ADRA1A: variants seen among roughly 807,000 people sequenced by gnomAD.
ADRA1A encodes the protein adrenoceptor alpha 1A, also known as alpha-1A adrenergic receptor.
A neutral mutation model predicts 29.6 loss-of-function variants in ADRA1A; 31 were observed. That is an observed-to-expected ratio of 1.05 (90% confidence interval 0.79 to 1.41). The LOEUF (loss-of-function observed/expected upper bound fraction) is 1.41, where lower values mean the gene tolerates loss of function less well. Among genes scored for constraint, ADRA1A ranks in the 40% most tolerant of loss-of-function variants. The probability of loss-of-function intolerance (pLI) is 0.00; values close to 1 mark genes in which losing one functional copy is unlikely to be tolerated. For synonymous variants in ADRA1A, 311 were observed against 254.3 expected (o/e 1.22, Z -2.12); for missense variants, 619 against 601.1 (o/e 1.03, Z -0.31).
At chr8:26,800,860 T>C (rs1448393264) in intron 2 of ADRA1A, among the ~76,000 whole-genome samples, 1 of 152,130 alleles carries the variant, frequency 6.6e-6, no homozygotes, top group African/African-American at 2.4e-5. Flanking sequence ...CTGATGACCA[T>C]TGATGCAAAA....
downstream of ADRA1A, among the ~76,000 whole-genome samples, chr8:26,762,600 G>T (rs4732860): frequency 0.18 from 27,544 of 152,040 alleles, 3,050 homozygotes; most frequent in East Asian, 0.44. This position sits in a 1 kb window ranked among gnomAD's most constrained non-coding sequence, Gnocchi z 4.0. Context: ...GAGAGGATGG[G>T]ATCAAGAAAG....
rs1808881064 is a variant in ADRA1A at position 26,805,181 on chromosome 8, A to T, written c.884-34515T>A. On this transcript the variant is annotated intron_variant, in intron 2 of 2. Coordinates refer to ENST00000380573, the MANE Select transcript of ADRA1A (RefSeq NM_000680.4). The surrounding 1 kb of genome is among the most constrained non-coding windows in gnomAD (Gnocchi z 4.8). ...TTGTGTCCCACTGTGACGACCAAGA[A>T]TGGGGCTCTCACCTCTGCCTACCTG... 1.3e-5 allele frequency among the ~76,000 whole-genome samples: 2 copies of T among 152,224 alleles called. No homozygotes were observed. The highest frequency in any genetic ancestry group is 1.3e-4 in the Admixed American group (2 of 15,276).
intron 2 of ADRA1A, among the ~76,000 whole-genome samples, chr8:26,834,891 T>C (rs915322812): frequency 1.3e-5 from 2 of 152,226 alleles, no homozygotes; most frequent in Admixed American, 1.3e-4. Context: ...CCTGGGATTT[T>C]TGATGCCACA....
chr8:26,759,770 G>A (rs61759714), intron 2 of ADRA1A, among the ~76,000 whole-genome samples: 1 of 152,228 alleles, frequency 6.6e-6, no homozygotes. Flanking sequence ...GACAAGGGAG[G>A]AGAAGAAACG....
intron 2 of ADRA1A, among the ~76,000 whole-genome samples, chr8:26,819,056 A>T (rs1809969964): frequency 6.6e-6 from 1 of 152,232 alleles, no homozygotes; most frequent in African/African-American, 2.4e-5. Context: ...TCAAATTATT[A>T]AAAGTCAAAG....
At chr8:26,837,856 C>T (rs956665936) in intron 2 of ADRA1A, among the ~76,000 whole-genome samples, 1 of 152,198 alleles carries the variant, frequency 6.6e-6, no homozygotes, top group African/African-American at 2.4e-5. Context: ...CCCATGTATG[C>T]TCAGAATGTT....
At chr8:26,862,626 A>T (rs1396266996) in intron 2 of ADRA1A, among the ~76,000 whole-genome samples, 2 of 152,166 alleles carry the variant, frequency 1.3e-5, no homozygotes, top group Non-Finnish European at 2.9e-5. Flanking sequence ...TACTTCCAGG[A>T]GCAGAGTAAG....
At chr8:26,786,436 A>G (rs1807395426) in intron 2 of ADRA1A, among the ~76,000 whole-genome samples, 1 of 151,784 alleles carries the variant, frequency 6.6e-6, no homozygotes, top group African/African-American at 2.4e-5. Context: ...GGGTTTCACC[A>G]TGTTGAATAA....
intron 2 of ADRA1A, among the ~76,000 whole-genome samples, chr8:26,774,932 G>A (rs950453770): frequency 2.6e-5 from 4 of 152,074 alleles, no homozygotes; most frequent in Non-Finnish European, 5.9e-5. Flanking sequence ...TTCTTCCTGA[G>A]GACTGGCTAT....
rs745317292 is a variant in ADRA1A at position 26,811,195 on chromosome 8, C to CTT, written c.884-40531_884-40530dup. On this transcript the variant is annotated intron_variant, in intron 2 of 2. Transcript: ENST00000380573. The stretch of plus-strand genomic sequence containing the variant: ...CTCACTGTCTAGCTTTCTTTCTTTT[C>CTT]TTTTTTTTTTTTGTTGAGACGGAGT... Among the ~76,000 whole-genome samples, 177 of 126,126 alleles carry CTT rather than the reference C, an allele frequency of 1.4e-3. No individual in the cohort carries two copies. The East Asian group carries it at 0.015, about 11-fold the overall frequency. The allele number at this position is 126,126 out of a possible 152,430, so 82.7% of individuals were successfully genotyped here. A position where few individuals can be genotyped will look rare whatever the true frequency, so the allele number is the denominator to read the frequency against.
At position 26,864,196 on chromosome 8, in the gene ADRA1A, T is replaced by C; in HGVS notation, c.774A>G (p.Ser258=). 6 of 1,614,130 alleles carry C rather than the reference T, an allele frequency of 3.7e-6. No homozygotes were observed. ...CCCGGGAGAACTTGAGGAGCCTCAC[T>C]GAGAAGTGCGTCTTGGTCTTGGCGC... ...MASAKTKTHF[S]VRLLKFSREK... The change falls in exon 2 of 3, where the codon TCA becomes TCG. Residue 258 remains serine, a synonymous_variant. Transcript: ENST00000380573. The surrounding 1 kb of genome is among the most constrained non-coding windows in gnomAD (Gnocchi z 8.1).
At chr8:26,810,766 T>C (rs112328637) in intron 2 of ADRA1A, among the ~76,000 whole-genome samples, 7 of 152,314 alleles carry the variant, frequency 4.6e-5, no homozygotes, top group African/African-American at 1.7e-4. Context: ...CACATCTTTG[T>C]TCCTTGGATG....
chr8:26,834,041 A>G (rs1409670977), intron 2 of ADRA1A, among the ~76,000 whole-genome samples: 3 of 152,242 alleles, frequency 2.0e-5, no homozygotes, highest in Admixed American at 6.5e-5. Context: ...AGTATGTAAT[A>G]AGAAAGCAGG....
In ADRA1A at chr8:26,770,052, T is replaced by C. The variant is rs1806019833; in HGVS notation, c.*97A>G. On this transcript the variant is annotated 3_prime_UTR_variant, in exon 3 of 3. Transcript: ENST00000380573. The stretch of plus-strand genomic sequence containing the variant: ...CATTCCCAGCAGGTCCCCTCTTTGA[T>C]TGGTCCTGTCTTGTCCTCCAAGAAG... 4.7e-6 allele frequency: 7 copies of C among 1,486,198 alleles called. No individual in the cohort carries two copies. Among genetic ancestry groups the C allele is most frequent in the South Asian group, 3.0e-5 (2 of 65,798 alleles). The allele number at this position is 1,486,198 out of a possible 1,614,324, so 92.1% of individuals were successfully genotyped here.
chr8:26,784,032 T>C (rs1399855458), intron 2 of ADRA1A, among the ~76,000 whole-genome samples: 1 of 151,842 alleles, frequency 6.6e-6, no homozygotes, highest in Non-Finnish European at 1.5e-5. Context: ...TTGGGGGGTG[T>C]GGTGAATGAG....
chr8:26,775,406 T>C lies in ADRA1A; in HGVS notation c.884-4740A>G, dbSNP rs1175468561. On this transcript the variant is annotated intron_variant, in intron 2 of 2. Coordinates refer to ENST00000380573, the MANE Select transcript of ADRA1A (RefSeq NM_000680.4). This position sits in a 1 kb window ranked among gnomAD's most constrained non-coding sequence, Gnocchi z 4.1. ...TGGTTTTTTTGTAATGTTATTTTAC[T>C]ACCATTTTTTCCTTGCTCTATCATC... Among the ~76,000 whole-genome samples, 4 of 152,212 alleles carry C rather than the reference T, an allele frequency of 2.6e-5. No individual in the cohort carries two copies. In the East Asian group the frequency reaches 7.7e-4, roughly 29 times the overall value.
chr8:26,770,223 G>A lies in ADRA1A; in HGVS notation c.1327C>T (p.Leu443Phe). 1 of 1,609,244 alleles carries A rather than the reference G, an allele frequency of 6.2e-7. No individual in the cohort carries two copies. Among genetic ancestry groups the A allele is most frequent in the South Asian group, 1.1e-5 (1 of 90,430 alleles). Residue 443 changes from leucine (L) to phenylalanine (F), a missense_variant, in exon 3 of 3, where the codon CTT (leucine) becomes TTT (phenylalanine). By Grantham distance (22) the Leu-to-Phe change is conservative. Coordinates refer to ENST00000380573, the MANE Select transcript of ADRA1A (RefSeq NM_000680.4). ...CCCVGPSTPSLDKNHQVPTIK... is the reference protein window; with the variant it reads ...CCCVGPSTPSFDKNHQVPTIK... ...GTTGGAACTTGATGGTTCTTGTCAAGGCTGGGGGTTGAGGGCCCTACACAG... is the reference window on the plus strand; with the variant it reads ...GTTGGAACTTGATGGTTCTTGTCAAAGCTGGGGGTTGAGGGCCCTACACAG...
At chr8:26,850,025 C>CAAAAAAAAAAACAACAAAAAACA (rs141672591) in intron 2 of ADRA1A, among the ~76,000 whole-genome samples, 5 of 121,558 alleles carry the variant, frequency 4.1e-5, no homozygotes, top group Non-Finnish European at 8.5e-5. Flanking sequence ...GAGAGAAATG[C>CAAAAAAAAAAACAACAAAAAACA]AAAAACAAAA....
At chr8:26,749,623 T>C (rs1458875997) in intron 2 of ADRA1A, among the ~76,000 whole-genome samples, 1 of 152,220 alleles carries the variant, frequency 6.6e-6, no homozygotes, top group Admixed American at 6.5e-5. Flanking sequence ...TATCCACATA[T>C]GGCATTTATA....
Sources: allele counts gnomAD v4.1 joint callset (sites outside exome capture counted in the v4.1 genomes callset), GRCh38; gene constraint gnomAD v4.1.1; non-coding constraint Gnocchi (gnomAD v3.1); transcripts MANE v1.5; gene names NCBI Gene and HGNC (gene_info 2026-07-23, HGNC 2026-07-21).